ZNF469: variants seen among roughly 807,000 people sequenced by gnomAD.
ZNF469 encodes zinc finger protein 469.
Under a neutral mutation model 1.0 loss-of-function variants are expected in ZNF469, and 1 was observed. That is an observed-to-expected ratio of 1.00 (90% confidence interval 0.35 to 4.73). ZNF469 has a LOEUF of 4.73. Among genes scored for constraint, ZNF469 ranks in the 30% most tolerant of loss-of-function variants. The pLI is 0.16. For missense variants in ZNF469, 6,100 were observed against 5,356.3 expected, an observed-to-expected ratio of 1.14 and a Z score of -4.33; for synonymous variants, 2,703 against 2,363.4, an observed-to-expected ratio of 1.14 and a Z score of -4.17.
the ZNF469 span, among the ~76,000 whole-genome samples, chr16:88,105,760 T>C: frequency 3.3e-5 from 5 of 152,152 alleles, no homozygotes; most frequent in African/African-American, 1.2e-4. Context: ...CGGTAGTTGA[T>C]TGATGATGTC....
At chr16:88,100,935 C>T in the ZNF469 span, 18,011 of 287,034 alleles carry the variant, frequency 0.063, 932 homozygotes, top group African/African-American at 0.18. Context: ...CCAGCCAGTG[C>T]GCAGAGACGC....
chr16:88,143,402 C>T, the ZNF469 span, among the ~76,000 whole-genome samples: 18 of 152,164 alleles, frequency 1.2e-4, no homozygotes, highest in African/African-American at 2.4e-4. Flanking sequence ...GCTGGGGCGC[C>T]GAGCAGGGTG....
the ZNF469 span, among the ~76,000 whole-genome samples, chr16:88,129,904 C>T: frequency 2.6e-5 from 4 of 152,210 alleles, no homozygotes; most frequent in South Asian, 2.1e-4. Flanking sequence ...CACCAGCCAC[C>T]GAAGCCCCTC....
At chr16:88,338,712 T>C in the ZNF469 span, among the ~76,000 whole-genome samples, 1 of 152,104 alleles carries the variant, frequency 6.6e-6, no homozygotes, top group Non-Finnish European at 1.5e-5. Flanking sequence ...CTGGTGTCCT[T>C]ATCAGAAGGG....
chr16:88,194,201 C>G, the ZNF469 span: 8 of 152,264 alleles, frequency 5.3e-5, no homozygotes, highest in Non-Finnish European at 8.8e-5. Flanking sequence ...GATGGCACAG[C>G]CTGCTCAGGC....
intron 1 of ZNF469, among the ~76,000 whole-genome samples, chr16:88,421,280 G>A (rs2142290275): frequency 1.3e-5 from 2 of 152,332 alleles, no homozygotes; most frequent in African/African-American, 4.8e-5. Context: ...CGGCTAAAGA[G>A]GGGCCAGTTC....
intron 1 of ZNF469, among the ~76,000 whole-genome samples, chr16:88,420,820 G>A (rs1905433801): frequency 6.6e-6 from 1 of 152,232 alleles, no homozygotes; most frequent in South Asian, 2.1e-4. Context: ...GGGAAAACGG[G>A]CTCAGAGAGG....
the ZNF469 span, among the ~76,000 whole-genome samples, chr16:88,179,498 G>T: frequency 6.6e-6 from 1 of 152,186 alleles, no homozygotes; most frequent in African/African-American, 2.4e-5. Flanking sequence ...GTGAGCCAAA[G>T]AAACCACTTT....
the ZNF469 span, among the ~76,000 whole-genome samples, chr16:88,348,445 C>A: frequency 1.1e-3 from 161 of 152,190 alleles, no homozygotes; most frequent in African/African-American, 3.8e-3. Flanking sequence ...AAGGCCACAC[C>A]AACAGGTCCC....
chr16:88,325,805 C>G, the ZNF469 span, among the ~76,000 whole-genome samples: 1 of 152,198 alleles, frequency 6.6e-6, no homozygotes, highest in Non-Finnish European at 1.5e-5. Flanking sequence ...TTTCTCCTTC[C>G]TTCCTCCCTT....
chr16:88,360,896 G>T, the ZNF469 span, among the ~76,000 whole-genome samples: 659 of 152,262 alleles, frequency 4.3e-3, 4 homozygotes, highest in African/African-American at 0.014. Flanking sequence ...TTTCATGGAA[G>T]ATAATTTTTT....
In ZNF469 at chr16:88,438,029, C is replaced by T. The variant is rs1361099558; in HGVS notation, c.10559C>T (p.Thr3520Ile). ...TGTTCGGAGGTGGCTCCCAGCACCA[C>T]CAAGGGATGGCCCGAGACCCTAGAG... ...HLCSEVAPST[T>I]KGWPETLERP... is the part of the protein sequence containing the mutation. Residue 3520 changes from threonine to isoleucine, a missense_variant, in exon 3 of 3, where the codon ACC becomes ATC. Thr to Ile is a moderately conservative substitution (Grantham distance 89, BLOSUM62 -1). Coordinates refer to ENST00000565624, the MANE Select transcript of ZNF469 (RefSeq NM_001367624.2). The T allele has an allele frequency of 1.9e-6, 3 of 1,550,130 alleles. No homozygotes were observed. The highest frequency in any genetic ancestry group is 2.7e-5 in the African/African-American group (2 of 73,172).
intron 1 of ZNF469, among the ~76,000 whole-genome samples, chr16:88,419,382 C>G: frequency 6.6e-6 from 1 of 152,166 alleles, no homozygotes; most frequent in East Asian, 1.9e-4. Context: ...GAGCTCAGCA[C>G]GGGAGGCCAA....
the ZNF469 span, among the ~76,000 whole-genome samples, chr16:88,229,801 C>T: frequency 6.6e-6 from 1 of 152,174 alleles, no homozygotes; most frequent in Non-Finnish European, 1.5e-5. Context: ...TCTGTGCACA[C>T]CTCCTCCTCC....
chr16:88,202,923 G>A, the ZNF469 span, among the ~76,000 whole-genome samples: 14 of 152,176 alleles, frequency 9.2e-5, no homozygotes, highest in Admixed American at 3.9e-4. Context: ...AGGGCCCTGA[G>A]CCGGGTGCCG....
At chr16:88,265,768 G>C in the ZNF469 span, among the ~76,000 whole-genome samples, 1 of 152,230 alleles carries the variant, frequency 6.6e-6, no homozygotes, top group African/African-American at 2.4e-5. Context: ...GAGGCGGCGC[G>C]TCTCTCTCGC....
chr16:88,227,304 C>T, the ZNF469 span, among the ~76,000 whole-genome samples: 1,714 of 152,286 alleles, frequency 0.011, 41 homozygotes, highest in Admixed American at 0.055. Context: ...AGAGAGGAAG[C>T]GGGGAAGGGG....
the ZNF469 span, among the ~76,000 whole-genome samples, chr16:88,356,442 G>A: frequency 1.3e-5 from 2 of 152,180 alleles, no homozygotes; most frequent in Non-Finnish European, 2.9e-5. Flanking sequence ...AAACAAATGT[G>A]TGTGTCACTG....
rs1906526373 is a variant in ZNF469, at chr16:88,435,755, A to T, written c.8285A>T (p.Lys2762Met). 1.3e-6 allele frequency: 2 copies of T among 1,550,680 alleles called. No individual in the cohort carries two copies. The highest frequency in any genetic ancestry group is 2.7e-5 in the African/African-American group (2 of 73,060). The change falls in exon 3 of 3, where the codon AAG (lysine) becomes ATG (methionine). Residue 2762 changes from lysine to methionine, a missense_variant. Transcript: ENST00000565624. The stretch of plus-strand genomic sequence containing the variant: ...GGGTTCTGGGGACCAAGAGAGACCA[A>T]GGCGTTGGGTGTGTGCAAAGAGTCT... ...ARGFWGPRETKALGVCKESGS... is the reference protein window; with the variant it reads ...ARGFWGPRETMALGVCKESGS...
Sources: allele counts gnomAD v4.1 joint callset (sites outside exome capture counted in the v4.1 genomes callset), GRCh38; gene constraint gnomAD v4.1.1; transcripts MANE v1.5; gene names NCBI Gene and HGNC (gene_info 2026-07-23, HGNC 2026-07-21).